The following TCP11L2 variants were observed in gnomAD, a reference collection of about 807,000 sequenced individuals.
TCP11L2 encodes the protein t-complex 11 like 2.
In TCP11L2, 39 loss-of-function variants were observed where a neutral mutation model predicts 50.7. The ratio of observed to expected loss-of-function variants is 0.77; its 90% CI spans 0.60 to 1.01. TCP11L2 has a LOEUF of 1.01. TCP11L2 is among the 50% of genes least tolerant of loss of function. TCP11L2 has a pLI of 0.00. For synonymous variants in TCP11L2, 192 were observed against 219.3 expected, an observed-to-expected ratio of 0.88 and a Z score of 1.10; for missense variants, 612 against 614.7, an observed-to-expected ratio of 1.00 and a Z score of 0.05.
In TCP11L2 at chr12:106,346,673, A is replaced by G. The variant is rs2036244035; in HGVS notation, c.*143A>G. 1 of 983,784 alleles carries G rather than the reference A, an allele frequency of 1.0e-6. No individual in the cohort carries two copies. 60.9% of individuals were successfully genotyped at this position (983,784 alleles called of 1,614,324 possible). On this transcript the variant is annotated 3_prime_UTR_variant, in exon 10 of 10. Transcript: ENST00000299045. ...AATCTGTGTAATGGGTAATATTAGC[A>G]TTACAGAAGACACACACATCACATA... is the stretch of plus-strand genomic sequence containing the variant.
At chr12:106,328,242 A>G (rs2035624606) in intron 6 of TCP11L2, among the ~76,000 whole-genome samples, 1 of 152,258 alleles carries the variant, frequency 6.6e-6, no homozygotes, top group African/African-American at 2.4e-5. Context: ...ACTCAGAATC[A>G]TTCAGCTAAG....
At chr12:106,322,566 AC>A (rs1487880637) in intron 5 of TCP11L2, among the ~76,000 whole-genome samples, 2 of 152,248 alleles carry the variant, frequency 1.3e-5, no homozygotes, top group Non-Finnish European at 2.9e-5. Context: ...TCATCTGGCT[AC>A]ATAGACGATA....
intron 2 of TCP11L2, among the ~76,000 whole-genome samples, chr12:106,311,732 T>A (rs79024369): frequency 0.027 from 4,173 of 152,046 alleles, 222 homozygotes; most frequent in African/African-American, 0.096. Flanking sequence ...ACATTAGGGG[T>A]GTGAGAAAGA....
chr12:106,319,161 T>C (rs2035238079), intron 4 of TCP11L2, among the ~76,000 whole-genome samples: 1 of 152,212 alleles, frequency 6.6e-6, no homozygotes, highest in African/African-American at 2.4e-5. Context: ...TTCGCCCACC[T>C]TGGCCTCCCA....
In TCP11L2 at chr12:106,322,569, T is replaced by A. The variant is rs1182215163; in HGVS notation, c.635+863T>A. ...GTCACGAGGATCTCATCTGGCTACATAGACGATAACTTCCTTGTGATCCAA... is the reference window on the plus strand; with the variant it reads ...GTCACGAGGATCTCATCTGGCTACAAAGACGATAACTTCCTTGTGATCCAA... On this transcript the variant is annotated intron_variant, in intron 5 of 9. Coordinates refer to ENST00000299045, the MANE Select transcript of TCP11L2 (RefSeq NM_152772.3). 2.0e-5 allele frequency among the ~76,000 whole-genome samples: 3 copies of A among 152,240 alleles called. No individual in the cohort carries two copies. The East Asian group carries it at 5.8e-4, about 29-fold the overall frequency.
chr12:106,335,521 G>C, intron 6 of TCP11L2, 118 bp from the exon 7 acceptor site: 1 of 1,005,772 alleles, frequency 9.9e-7, no homozygotes, highest in Non-Finnish European at 1.5e-6. Flanking sequence ...ACTCCTTGCA[G>C]GGCATGGCTG....
intron 3 of TCP11L2, among the ~76,000 whole-genome samples, 172 bp from the exon 4 acceptor site, chr12:106,318,172 G>A (rs1037409476): frequency 6.7e-6 from 1 of 150,222 alleles, no homozygotes; most frequent in Non-Finnish European, 1.5e-5. Context: ...TATGCTCTTA[G>A]CTATGTTAAA....
intron 6 of TCP11L2, among the ~76,000 whole-genome samples, chr12:106,332,467 T>C (rs1444476463): frequency 6.6e-6 from 1 of 152,178 alleles, no homozygotes; most frequent in Non-Finnish European, 1.5e-5. Flanking sequence ...TACCACTCAG[T>C]AATAAAAAGG....
intron 1 of TCP11L2, 97 bp from the exon 2 acceptor site, chr12:106,310,944 G>A (rs565943800): frequency 8.9e-7 from 1 of 1,129,414 alleles, no homozygotes; most frequent in South Asian, 1.5e-5. Flanking sequence ...CCAACACAGT[G>A]ACACTTGTGG....
chr12:106,312,001 A>C (rs551843319), intron 2 of TCP11L2, among the ~76,000 whole-genome samples: 1 of 152,230 alleles, frequency 6.6e-6, no homozygotes, highest in African/African-American at 2.4e-5. Context: ...TAGAAGATAC[A>C]TAAGAATAGA....
chr12:106,314,399 G>A lies in TCP11L2; in HGVS notation c.199G>A (p.Ala67Thr), dbSNP rs1164619795. 6.2e-7 allele frequency: 1 copy of A among 1,612,910 alleles called. No homozygotes were observed. Among genetic ancestry groups the A allele is most frequent in the Admixed American group, 1.7e-5 (1 of 59,984 alleles). ...GGTTGTAACATTTGATGAAGTGATG[G>A]CTACAGCAAGGAACTTATCAAACTT... ...PRVVTFDEVMATARNLSNLTL... is the reference protein window; with the variant it reads ...PRVVTFDEVMTTARNLSNLTL... Residue 67 changes from alanine to threonine, a missense_variant, in exon 3 of 10, where the codon GCT (alanine) becomes ACT (threonine). Transcript: ENST00000299045.
upstream of TCP11L2, among the ~76,000 whole-genome samples, chr12:106,302,208 C>T (rs532901694): frequency 5.9e-5 from 9 of 152,266 alleles, no homozygotes; most frequent in South Asian, 1.7e-3. Context: ...CGGGAGCTCG[C>T]AGTGTGGTCC....
intron 1 of TCP11L2, among the ~76,000 whole-genome samples, chr12:106,306,341 C>G (rs986488716): frequency 1.3e-5 from 2 of 152,210 alleles, no homozygotes; most frequent in African/African-American, 2.4e-5. Flanking sequence ...ACATTTTGCT[C>G]TATGTGCTTT....
rs957489893 is a variant in TCP11L2, at chr12:106,312,352, A to C, written c.157+1120A>C. 7.6e-6 allele frequency: 9 copies of C among 1,184,750 alleles called. No individual in the cohort carries two copies. In the Admixed American group the frequency reaches 2.2e-4, roughly 28 times the overall value. 73.4% of individuals were successfully genotyped at this position (1,184,750 alleles called of 1,614,324 possible). A position where few individuals can be genotyped will look rare whatever the true frequency, so the allele number is the denominator to read the frequency against. ...TGGAAAGACTTTTGGATATCACTGG[A>C]TTATTGGACCAAAGTATATAGACAT... On this transcript the variant is annotated intron_variant, in intron 2 of 9. Transcript: ENST00000299045.
At chr12:106,340,735 T>C in intron 8 of TCP11L2, 91 bp from the exon 9 acceptor site, 1 of 1,098,792 alleles carries the variant, frequency 9.1e-7, no homozygotes, top group South Asian at 1.7e-5. Flanking sequence ...AAGAGAAATT[T>C]GGTAGACATC....
intron 6 of TCP11L2, among the ~76,000 whole-genome samples, chr12:106,328,114 T>C (rs2035620557): frequency 6.6e-6 from 1 of 152,254 alleles, no homozygotes; most frequent in South Asian, 2.1e-4. Flanking sequence ...TAAATATCAC[T>C]TTCAGAATAT....
intron 1 of TCP11L2, among the ~76,000 whole-genome samples, chr12:106,306,998 G>T (rs1177654660): frequency 6.6e-6 from 1 of 152,164 alleles, no homozygotes; most frequent in Non-Finnish European, 1.5e-5. Flanking sequence ...AAGTAAAGCT[G>T]CACACGAGCT....
intron 8 of TCP11L2, among the ~76,000 whole-genome samples, chr12:106,339,144 C>CAAAAG (rs919980284): frequency 1.3e-5 from 2 of 151,746 alleles, no homozygotes; most frequent in African/African-American, 4.8e-5. Flanking sequence ...GACTCCGTCT[C>CAAAAG]AAAAGAAAAG....
chr12:106,300,876 G>C (rs2034396807), upstream of TCP11L2, among the ~76,000 whole-genome samples: 1 of 152,136 alleles, frequency 6.6e-6, no homozygotes, highest in Admixed American at 6.5e-5. Flanking sequence ...TCAGGCAGCT[G>C]GTCACTCCAG....
Sources: gnomAD v4.1 joint callset for allele counts (sites outside exome capture counted in the v4.1 genomes callset) on GRCh38, gnomAD v4.1.1 for gene constraint, MANE v1.5 for transcripts, NCBI Gene and HGNC (gene_info 2026-07-23, HGNC 2026-07-21) for gene names.